Variants in FAM171A1 observed in about 807,000 individuals in gnomAD.
FAM171A1 encodes the protein family with sequence similarity 171 member A1, also known as protein FAM171A1.
A neutral mutation model predicts 74.9 loss-of-function variants in FAM171A1; 23 were observed. The ratio of observed to expected loss-of-function variants is 0.31; its 90% CI spans 0.22 to 0.44. The LOEUF (loss-of-function observed/expected upper bound fraction) is 0.44. Among genes scored for constraint, FAM171A1 ranks in the 20% least tolerant of loss-of-function variants. FAM171A1 has a pLI of 1.00. For missense variants in FAM171A1, 1,162 were observed against 1,159.2 expected, an observed-to-expected ratio of 1.00 and a Z score of -0.03; for synonymous variants, 527 against 505.7, an observed-to-expected ratio of 1.04 and a Z score of -0.57.
chr10:15,233,153 G>T (rs1349331198), intron 5 of FAM171A1, among the ~76,000 whole-genome samples: 5 of 152,052 alleles, frequency 3.3e-5, no homozygotes, highest in African/African-American at 1.2e-4. Flanking sequence ...AAATTAGCTT[G>T]GCGTGGTGGC....
At chr10:15,263,901 A>G (rs910481803) in intron 3 of FAM171A1, among the ~76,000 whole-genome samples, 2 of 129,318 alleles carry the variant, frequency 1.5e-5, no homozygotes, top group African/African-American at 3.0e-5. Context: ...CTATCTATCT[A>G]TCTATCCGTC....
At chr10:15,241,363 T>C (rs955948721) in intron 5 of FAM171A1, 3 of 152,222 alleles carry the variant, frequency 2.0e-5, no homozygotes, top group African/African-American at 7.2e-5. Context: ...GTCACAATTT[T>C]TTTTAAATTT....
chr10:15,245,122 G>A (rs533530278), intron 5 of FAM171A1, among the ~76,000 whole-genome samples: 16 of 151,812 alleles, frequency 1.1e-4, no homozygotes, highest in Middle Eastern at 6.8e-3. Context: ...CTGGAGTGTG[G>A]GGACGCTATC....
At chr10:15,288,813 C>CTTTTTTTTTTTTT (rs71505064) in intron 1 of FAM171A1, among the ~76,000 whole-genome samples, 3 of 73,688 alleles carry the variant, frequency 4.1e-5, no homozygotes, top group Non-Finnish European at 7.6e-5. Context: ...TTCGGTAATT[C>CTTTTTTTTTTTTT]TTTTTTTTTT....
intron 1 of FAM171A1, among the ~76,000 whole-genome samples, chr10:15,369,183 C>G (rs956065199): frequency 1.4e-5 from 2 of 141,512 alleles, no homozygotes; most frequent in African/African-American, 5.8e-5. Flanking sequence ...AAAACGTGGT[C>G]TTAGACCTAA....
chr10:15,242,378 T>G (rs922585822), intron 5 of FAM171A1, among the ~76,000 whole-genome samples: 13 of 152,278 alleles, frequency 8.5e-5, no homozygotes, highest in African/African-American at 2.4e-4. Flanking sequence ...ACATTTTAAT[T>G]CATTTGGTTA....
At chr10:15,218,150 G>A (rs1833990742) in intron 6 of FAM171A1, among the ~76,000 whole-genome samples, 1 of 152,000 alleles carries the variant, frequency 6.6e-6, no homozygotes, top group African/African-American at 2.4e-5. Context: ...CACGATCTGG[G>A]CTCACTGCAA....
At chr10:15,310,816 C>G (rs973339819) in intron 1 of FAM171A1, among the ~76,000 whole-genome samples, 2 of 150,676 alleles carry the variant, frequency 1.3e-5, no homozygotes, top group Non-Finnish European at 3.0e-5. Flanking sequence ...CATGACAGAG[C>G]GAGACTCTGT....
At chr10:15,272,245 A>T (rs1834835861) in intron 3 of FAM171A1, among the ~76,000 whole-genome samples, 2 of 152,212 alleles carry the variant, frequency 1.3e-5, no homozygotes, top group Non-Finnish European at 2.9e-5. Context: ...TTGCAATCCT[A>T]GTCTCTGATA....
At chr10:15,262,511 G>T (rs1342945441) in intron 3 of FAM171A1, among the ~76,000 whole-genome samples, 1 of 152,170 alleles carries the variant, frequency 6.6e-6, no homozygotes, top group African/African-American at 2.4e-5. Flanking sequence ...TGAAGCTGCG[G>T]GGAAGTTAGG....
chr10:15,366,778 T>G (rs1431732225), intron 1 of FAM171A1, among the ~76,000 whole-genome samples: 1 of 152,238 alleles, frequency 6.6e-6, no homozygotes, highest in African/African-American at 2.4e-5. Flanking sequence ...TGGTAAGCAG[T>G]GTTTACTAAA....
intron 1 of FAM171A1, among the ~76,000 whole-genome samples, chr10:15,364,828 C>A (rs1836039635): frequency 6.6e-6 from 1 of 152,094 alleles, no homozygotes; most frequent in African/African-American, 2.4e-5. Flanking sequence ...CGTCTTCATT[C>A]TCTCCCTGAC....
intron 7 of FAM171A1, among the ~76,000 whole-genome samples, chr10:15,215,541 T>C (rs559473429): frequency 6.6e-6 from 1 of 152,262 alleles, no homozygotes; most frequent in East Asian, 1.9e-4. Flanking sequence ...AATTTTTGTA[T>C]TTTTGGTAGA....
chr10:15,270,173 C>T (rs2131791749), intron 3 of FAM171A1, among the ~76,000 whole-genome samples: 1 of 152,300 alleles, frequency 6.6e-6, no homozygotes, highest in Admixed American at 6.5e-5. Context: ...CGGGACACTC[C>T]CACCCTAATA....
chr10:15,251,024 T>C (rs1834500645), intron 4 of FAM171A1, among the ~76,000 whole-genome samples: 1 of 152,100 alleles, frequency 6.6e-6, no homozygotes, highest in Admixed American at 6.6e-5. Flanking sequence ...GGAGTCCCAG[T>C]ACCAGATCTG....
At chr10:15,288,134 T>C (rs1835060222) in intron 1 of FAM171A1, among the ~76,000 whole-genome samples, 1 of 152,266 alleles carries the variant, frequency 6.6e-6, no homozygotes, top group Non-Finnish European at 1.5e-5. Context: ...ATAGTATATA[T>C]ATACCACATT....
At chr10:15,253,345 C>T (rs983474829) in intron 4 of FAM171A1, among the ~76,000 whole-genome samples, 2 of 152,162 alleles carry the variant, frequency 1.3e-5, no homozygotes, top group African/African-American at 4.8e-5. Context: ...GACTTTTCTC[C>T]CAGACCGGCA....
rs140141279 is a variant in FAM171A1, at chr10:15,287,392, CT to C, written c.98-3288del. Among the ~76,000 whole-genome samples the C allele has an allele frequency of 7.7e-3, 1,002 of 130,880 alleles. 2 individuals carry two copies. The highest frequency in any genetic ancestry group is 0.014 in the Middle Eastern group (3 of 208). 85.9% of individuals were successfully genotyped at this position (130,880 alleles called of 152,430 possible). A position where few individuals can be genotyped will look rare whatever the true frequency, so the allele number is the denominator to read the frequency against. On this transcript the variant is annotated intron_variant, in intron 1 of 7. Coordinates refer to ENST00000378116, the MANE Select transcript of FAM171A1 (RefSeq NM_001010924.2). ...CAGGTGTGACCCACCGCGCCGGCCT[CT>C]TTTTTTTTTTTTTTAGACAGAGTTT...
rs1239231767 is a variant in FAM171A1 at position 15,241,727 on chromosome 10, A to G, written c.754+6912T>C. 2.0e-5 allele frequency: 3 copies of G among 151,700 alleles called. No homozygotes were observed. In the East Asian group the frequency reaches 5.8e-4, roughly 29 times the overall value. 9.4% of individuals were successfully genotyped at this position (151,700 alleles called of 1,614,324 possible). On this transcript the variant is annotated intron_variant, in intron 5 of 7. Transcript: ENST00000378116. ...ACTTTACAGTTACCATTGTTTTTTC[A>G]TCTTCTTTCTCTTGGTGGTGAGAAC...
Sources: allele counts gnomAD v4.1 joint callset (sites outside exome capture counted in the v4.1 genomes callset), GRCh38; gene constraint gnomAD v4.1.1; transcripts MANE v1.5; gene names NCBI Gene and HGNC (gene_info 2026-07-23, HGNC 2026-07-21).